TANGO6: variants seen among roughly 807,000 people sequenced by gnomAD.
TANGO6 encodes transport and Golgi organization protein 6 homolog.
In TANGO6, 90 loss-of-function variants were observed where a neutral mutation model predicts 114.2. The ratio of observed to expected loss-of-function variants is 0.79; its 90% CI spans 0.66 to 0.94. TANGO6 has a LOEUF of 0.94. Among genes scored for constraint, TANGO6 ranks in the 40% least tolerant of loss-of-function variants. The pLI, the probability that TANGO6 is intolerant of heterozygous loss-of-function variation, is 0.00. For missense variants in TANGO6, 1,274 were observed against 1,315.3 expected, an observed-to-expected ratio of 0.97 and a Z score of 0.49; for synonymous variants, 477 against 509.8, an observed-to-expected ratio of 0.94 and a Z score of 0.87.
At chr16:68,970,404 A>G (rs1963690435) in intron 14 of TANGO6, among the ~76,000 whole-genome samples, 1 of 152,226 alleles carries the variant, frequency 6.6e-6, no homozygotes, top group Non-Finnish European at 1.5e-5. Flanking sequence ...ACGGTGGCTC[A>G]TGCCTTTAAT....
At chr16:69,018,784 G>A (rs1029967554) in intron 15 of TANGO6, among the ~76,000 whole-genome samples, 47 of 152,072 alleles carry the variant, frequency 3.1e-4, no homozygotes, top group Admixed American at 3.0e-3. Context: ...AAAATTAGCC[G>A]GGCGTGGTGG....
intron 14 of TANGO6, among the ~76,000 whole-genome samples, chr16:68,956,274 C>T (rs1963529188): frequency 6.6e-6 from 1 of 152,088 alleles, no homozygotes; most frequent in African/African-American, 2.4e-5. Flanking sequence ...AAGAGAAAAC[C>T]AGAACTCTAT....
At chr16:68,899,231 C>A (rs557490427) in intron 7 of TANGO6, among the ~76,000 whole-genome samples, 1 of 152,012 alleles carries the variant, frequency 6.6e-6, no homozygotes, top group African/African-American at 2.4e-5. Context: ...TGTGATTGCA[C>A]CACTGCATTC....
At chr16:68,907,099 A>AT (rs546359676) in intron 9 of TANGO6, among the ~76,000 whole-genome samples, 5,626 of 114,570 alleles carry the variant, frequency 0.049, 241 homozygotes, top group East Asian at 0.12. Context: ...CCAGACCTTG[A>AT]TTTTTTTTTT....
Position 68,843,563 on chromosome 16 carries a change from C to G in TANGO6, c.-55C>G, listed in dbSNP as rs2152146945. The G allele has an allele frequency of 1.3e-6, 2 of 1,543,864 alleles. No homozygotes were observed. Among genetic ancestry groups the G allele is most frequent in the Non-Finnish European group, 1.8e-6 (2 of 1,127,070 alleles). ...TCTGCCACACTTAACATGGCGGCGG[C>G]GGCGCCCTGCCGAGGCGCCTGAGCG... On this transcript the variant is annotated 5_prime_UTR_variant, in exon 1 of 18. Coordinates refer to ENST00000261778, the MANE Select transcript of TANGO6 (RefSeq NM_024562.2).
chr16:69,063,822 T>C (rs1023466738), intron 17 of TANGO6, among the ~76,000 whole-genome samples: 1 of 142,446 alleles, frequency 7.0e-6, no homozygotes, highest in African/African-American at 2.7e-5. Context: ...TTATTATTAT[T>C]ATTATTATTA....
At chr16:68,977,502 G>A (rs1400458671) in intron 15 of TANGO6, among the ~76,000 whole-genome samples, 4 of 150,788 alleles carry the variant, frequency 2.7e-5, no homozygotes, top group South Asian at 2.1e-4. Flanking sequence ...TCAAGAGATC[G>A]AGACCATCCT....
At chr16:68,925,354 A>G (rs1963154263) in intron 12 of TANGO6, among the ~76,000 whole-genome samples, 1 of 152,186 alleles carries the variant, frequency 6.6e-6, no homozygotes, top group South Asian at 2.1e-4. Context: ...TATGACATTG[A>G]GTATGTCTTC....
At chr16:68,982,343 T>A (rs1963844118) in intron 15 of TANGO6, among the ~76,000 whole-genome samples, 1 of 152,056 alleles carries the variant, frequency 6.6e-6, no homozygotes, top group Non-Finnish European at 1.5e-5. Context: ...GCCTATCTCA[T>A]ACCTTTTTTT....
At position 69,022,876 on chromosome 16, in the gene TANGO6, G is replaced by A; in HGVS notation, c.2891G>A (p.Arg964Lys). Residue 964 changes from arginine to lysine, a missense_variant, in exon 16 of 18, where the codon AGG becomes AAG. Physicochemically the swap from Arg to Lys is conservative, Grantham distance 26 (BLOSUM62 2). Coordinates refer to ENST00000261778, the MANE Select transcript of TANGO6 (RefSeq NM_024562.2). ...GAACCTTTGATCCATACCTTCCTGA[G>A]GGGAGTGAGAGATCCTGATGGTGCT... ...YREPLIHTFL[R>K]GVRDPDGAHR... is the part of the protein sequence containing the mutation. 1 of 1,594,574 alleles carries A rather than the reference G, an allele frequency of 6.3e-7. No homozygotes were observed. Among genetic ancestry groups the A allele is most frequent in the East Asian group, 2.3e-5 (1 of 44,368 alleles).
intron 16 of TANGO6, among the ~76,000 whole-genome samples, chr16:69,030,018 G>T (rs1296950490): frequency 6.8e-6 from 1 of 147,422 alleles, no homozygotes; most frequent in Non-Finnish European, 1.5e-5. Flanking sequence ...TGAGGCAGGA[G>T]AATTGCATGA....
rs368736182 is a variant in TANGO6, at chr16:68,875,218, C to T, written c.1059C>T (p.Ile353=). ...TAADWKKCDL[I]AKILASCPQQ... is the part of the protein sequence containing the mutation. ...CTGACTGGAAGAAGTGTGACCTGAT[C>T]GCAAAGATTTTGGCCTCTTGTCCCC... The change falls in exon 5 of 18, where the codon ATC becomes ATT. Residue 353 remains isoleucine, a synonymous_variant. Transcript: ENST00000261778. 2.5e-5 allele frequency: 41 copies of T among 1,613,548 alleles called. No individual in the cohort carries two copies. Among genetic ancestry groups the T allele is most frequent in the South Asian group, 4.4e-5 (4 of 91,052 alleles).
chr16:68,921,498 G>A (rs1008510105), intron 12 of TANGO6, among the ~76,000 whole-genome samples: 13 of 149,862 alleles, frequency 8.7e-5, no homozygotes, highest in Admixed American at 4.7e-4. Context: ...TTCTTAAGTT[G>A]TATTCTTATT....
At chr16:68,877,526 T>C (rs1229011602) in intron 5 of TANGO6, among the ~76,000 whole-genome samples, 2 of 151,724 alleles carry the variant, frequency 1.3e-5, no homozygotes, top group Non-Finnish European at 2.9e-5. Flanking sequence ...ATATTCCCTA[T>C]GCGTATGCCT....
At position 68,932,289 on chromosome 16, in the gene TANGO6, C is replaced by G. The variant is rs865874053; in HGVS notation, c.2701+1994C>G. Among the ~76,000 whole-genome samples, 304 of 152,086 alleles carry G rather than the reference C, an allele frequency of 2.0e-3. 1 individual carries two copies. The highest frequency in any genetic ancestry group is 7.1e-3 in the African/African-American group (293 of 41,492). On this transcript the variant is annotated intron_variant, in intron 14 of 17. Coordinates refer to ENST00000261778, the MANE Select transcript of TANGO6 (RefSeq NM_024562.2). Reference sequence around the variant, plus strand: ...ATTTTTAGTAGAGACGGGGGTTTCTCCATGTTGGTCAGGCTGGTCTCGAAC... The same window carrying G: ...ATTTTTAGTAGAGACGGGGGTTTCTGCATGTTGGTCAGGCTGGTCTCGAAC...
intron 2 of TANGO6, among the ~76,000 whole-genome samples, chr16:68,861,950 A>G (rs1962097971): frequency 6.6e-6 from 1 of 152,172 alleles, no homozygotes; most frequent in Admixed American, 6.5e-5. Context: ...GAGATAAACA[A>G]TGTTACCTCT....
At chr16:68,998,237 C>CCA (rs1260751739) in intron 15 of TANGO6, among the ~76,000 whole-genome samples, 1 of 152,004 alleles carries the variant, frequency 6.6e-6, no homozygotes, top group Non-Finnish European at 1.5e-5. Context: ...TTCACATTAC[C>CCA]CATCCCTATT....
chr16:69,068,750 G>C (rs2152242408), intron 17 of TANGO6, among the ~76,000 whole-genome samples: 1 of 152,294 alleles, frequency 6.6e-6, no homozygotes, highest in Middle Eastern at 3.4e-3. Flanking sequence ...TCTCGCTCTT[G>C]TCGCCCAGGC....
intron 15 of TANGO6, among the ~76,000 whole-genome samples, chr16:68,975,929 T>TTTG (rs1174770738): frequency 3.3e-5 from 5 of 151,960 alleles, no homozygotes; most frequent in Non-Finnish European, 7.4e-5. Flanking sequence ...GGGTTTGGTT[T>TTTG]TTGTTGTTGT....
Sources: gnomAD v4.1 joint callset for allele counts (sites outside exome capture counted in the v4.1 genomes callset) on GRCh38, gnomAD v4.1.1 for gene constraint, MANE v1.5 for transcripts, NCBI Gene and HGNC (gene_info 2026-07-23, HGNC 2026-07-21) for gene names.